GNG2: variants seen among roughly 807,000 people sequenced by gnomAD.
The protein encoded by GNG2 is guanine nucleotide-binding protein G(I)/G(S)/G(O) subunit gamma-2.
Under a neutral mutation model 5.5 loss-of-function variants are expected in GNG2, and 5 were observed. That is an observed-to-expected ratio of 0.91 (90% CI 0.48 to 1.92). The LOEUF (loss-of-function observed/expected upper bound fraction) is 1.92. Among genes scored for constraint, GNG2 ranks in the 30% most tolerant of loss-of-function variants. The pLI is 0.01. For synonymous variants in GNG2, 28 were observed against 32.0 expected (o/e 0.88, Z 0.42); for missense variants, 55 against 88.4 (o/e 0.62, Z 1.52).
At chr14:51,942,815 A>C (rs1467033846) in intron 2 of GNG2, among the ~76,000 whole-genome samples, 1 of 151,696 alleles carries the variant, frequency 6.6e-6, no homozygotes, top group African/African-American at 2.4e-5. Context: ...AATTTAAAGA[A>C]GTGTAACCAC....
chr14:51,945,098 G>T (rs945643219), intron 2 of GNG2, among the ~76,000 whole-genome samples: 1 of 150,882 alleles, frequency 6.6e-6, no homozygotes, highest in South Asian at 2.1e-4. Context: ...CACCCATTAG[G>T]ATGGCTACTA....
intron 2 of GNG2, among the ~76,000 whole-genome samples, chr14:51,919,752 G>A (rs1886897433): frequency 6.6e-6 from 1 of 152,186 alleles, no homozygotes; most frequent in South Asian, 2.1e-4. Flanking sequence ...AAGATAATGA[G>A]CACTGAACAA....
intron 2 of GNG2, among the ~76,000 whole-genome samples, chr14:51,844,442 C>T (rs1881568091): frequency 6.6e-6 from 1 of 152,168 alleles, no homozygotes; most frequent in Admixed American, 6.5e-5. Context: ...AGGAGTTTCT[C>T]TAAGTCATTG....
chr14:51,922,627 A>G lies in GNG2; in HGVS notation c.-29-28023A>G, dbSNP rs75664406. ...ATTGCCCCTCCTTTGTCCCTAGCCT[A>G]TCTTCCTCCCTTGAGCCTTCTCCCT... On this transcript the variant is annotated intron_variant, in intron 2 of 3. Transcript: ENST00000556766. Among the ~76,000 whole-genome samples, 291 of 152,234 alleles carry G rather than the reference A, an allele frequency of 1.9e-3. 1 individual carries two copies. Among genetic ancestry groups the G allele is most frequent in the Middle Eastern group, 3.4e-3 (1 of 294 alleles).
chr14:51,902,860 C>T (rs1446028066), intron 2 of GNG2, among the ~76,000 whole-genome samples: 1 of 151,972 alleles, frequency 6.6e-6, no homozygotes, highest in Non-Finnish European at 1.5e-5. Context: ...TGTACTCCAA[C>T]CTGGGTAACA....
At chr14:51,906,485 A>C (rs1047653785) in intron 2 of GNG2, among the ~76,000 whole-genome samples, 4 of 152,172 alleles carry the variant, frequency 2.6e-5, no homozygotes, top group Admixed American at 2.0e-4. Context: ...GTGAAGAATA[A>C]GAATTTTTTA....
At chr14:51,939,217 C>T (rs1299893202) in intron 2 of GNG2, among the ~76,000 whole-genome samples, 1 of 152,188 alleles carries the variant, frequency 6.6e-6, no homozygotes, top group Non-Finnish European at 1.5e-5. Flanking sequence ...TAGATACAAG[C>T]TGTTTCCTTA....
intron 2 of GNG2, among the ~76,000 whole-genome samples, chr14:51,918,230 T>C (rs1017152294): frequency 4.6e-5 from 7 of 152,154 alleles, no homozygotes; most frequent in Non-Finnish European, 7.4e-5. Flanking sequence ...TTTGACCATG[T>C]TACCACGCTG....
chr14:51,883,363 A>G (rs1884230341), intron 2 of GNG2, among the ~76,000 whole-genome samples: 1 of 152,240 alleles, frequency 6.6e-6, no homozygotes. Context: ...TTTAAAAAAT[A>G]CTATTTAAAT....
In GNG2 at chr14:51,911,866, G is replaced by GTT. The variant is rs536563045; in HGVS notation, c.-30+34220_-30+34221dup. 1.5e-4 allele frequency among the ~76,000 whole-genome samples: 20 copies of GTT among 134,360 alleles called. 3 individuals are homozygous for GTT. The highest frequency in any genetic ancestry group is 4.0e-3 in the Middle Eastern group (1 of 252). The allele number at this position is 134,360 out of a possible 152,430, so 88.1% of individuals were successfully genotyped here. ...GCCCATCCTGATAGCCTTTTCTTAT[G>GTT]TTTTTTTTTTTTGTTGTTATTGTTA... On this transcript the variant is annotated intron_variant, in intron 2 of 3. Coordinates refer to ENST00000556766, the MANE Select transcript of GNG2 (RefSeq NM_053064.5).
intron 2 of GNG2, among the ~76,000 whole-genome samples, chr14:51,943,267 A>G (rs1888453316): frequency 6.6e-6 from 1 of 152,208 alleles, no homozygotes; most frequent in African/African-American, 2.4e-5. Flanking sequence ...TGTTGTTGTC[A>G]TTTGTCTTTA....
intron 2 of GNG2, among the ~76,000 whole-genome samples, chr14:51,936,828 T>C (rs934642701): frequency 6.6e-6 from 1 of 152,054 alleles, no homozygotes; most frequent in Non-Finnish European, 1.5e-5. Flanking sequence ...TAGGCGTGAG[T>C]CACCACACCT....
At chr14:51,960,315 A>G (rs1045067751) in intron 3 of GNG2, among the ~76,000 whole-genome samples, 2 of 151,458 alleles carry the variant, frequency 1.3e-5, no homozygotes, top group African/African-American at 2.4e-5. Flanking sequence ...GTATTTTTTC[A>G]TCTCTACATA....
At position 51,953,926 on chromosome 14, in the gene GNG2, T is replaced by A. The variant is rs1889127471; in HGVS notation, c.87+3161T>A. Among the ~76,000 whole-genome samples the A allele has an allele frequency of 2.0e-5, 3 of 152,242 alleles. No individual in the cohort carries two copies. In the South Asian group the frequency reaches 6.2e-4, roughly 32 times the overall value. ...CAAGCTATAAAGGATAGAAATGGCT[T>A]TATATACGTCTGGCAGAACCTACTG... On this transcript the variant is annotated intron_variant, in intron 3 of 3. Coordinates refer to ENST00000556766, the MANE Select transcript of GNG2 (RefSeq NM_053064.5).
intron 2 of GNG2, among the ~76,000 whole-genome samples, chr14:51,901,733 G>T (rs561362542): frequency 2.8e-4 from 42 of 151,940 alleles, no homozygotes; most frequent in African/African-American, 9.9e-4. Context: ...TTTGGAAGTG[G>T]GGGTTGGGGA....
chr14:51,833,287 T>G (rs1041524238), intron 2 of GNG2, among the ~76,000 whole-genome samples: 1 of 152,226 alleles, frequency 6.6e-6, no homozygotes, highest in African/African-American at 2.4e-5. Flanking sequence ...AAATCTGTCT[T>G]CTAAACATTC....
chr14:51,942,720 G>A (rs61971487), intron 2 of GNG2, among the ~76,000 whole-genome samples: 13,140 of 149,962 alleles, frequency 0.088, 791 homozygotes, highest in Non-Finnish European at 0.13. Flanking sequence ...CACCAGACCC[G>A]GTTAGATTAT....
chr14:51,843,884 C>G (rs1881552985), intron 2 of GNG2, among the ~76,000 whole-genome samples: 1 of 152,184 alleles, frequency 6.6e-6, no homozygotes, highest in Non-Finnish European at 1.5e-5. Flanking sequence ...CCATGCTCTG[C>G]CCCAACTCAT....
intron 2 of GNG2, among the ~76,000 whole-genome samples, chr14:51,899,021 G>T (rs77675522): frequency 0.039 from 5,887 of 152,278 alleles, 369 homozygotes; most frequent in African/African-American, 0.13. Flanking sequence ...ATAGTGCCTT[G>T]TTGAGCTTTC....
Sources: gnomAD v4.1 joint callset for allele counts (sites outside exome capture counted in the v4.1 genomes callset) on GRCh38, gnomAD v4.1.1 for gene constraint, MANE v1.5 for transcripts, NCBI Gene and HGNC (gene_info 2026-07-23, HGNC 2026-07-21) for gene names.